KAZN: variants seen among roughly 807,000 people sequenced by gnomAD.
KAZN encodes the protein kazrin.
Under a neutral mutation model 87.4 loss-of-function variants are expected in KAZN, and 40 were observed. The ratio of observed to expected loss-of-function variants is 0.46; its 90% CI spans 0.36 to 0.60. The LOEUF (loss-of-function observed/expected upper bound fraction) is 0.60. KAZN is among the 20% of genes least tolerant of loss of function. KAZN has a pLI of 0.00. For synonymous variants in KAZN, 466 were observed against 458.3 expected (o/e 1.02, Z -0.22); for missense variants, 898 against 1,073.9 (o/e 0.84, Z 2.29).
intron 1 of KAZN, among the ~76,000 whole-genome samples, chr1:13,970,538 G>A (rs936678567): frequency 6.6e-6 from 1 of 152,202 alleles, no homozygotes; most frequent in Admixed American, 6.5e-5. Context: ...AATGAAAAAG[G>A]TGGGCTTGGA....
chr1:14,064,517 C>A (rs151167025), intron 1 of KAZN, among the ~76,000 whole-genome samples: 127 of 152,332 alleles, frequency 8.3e-4, no homozygotes, highest in African/African-American at 3.0e-3. Context: ...AGCTGAACCA[C>A]CAAAACATAG....
At chr1:14,577,389 T>G in intron 2 of KAZN, among the ~76,000 whole-genome samples, 1 of 152,198 alleles carries the variant, frequency 6.6e-6, no homozygotes, top group East Asian at 1.9e-4. Flanking sequence ...TTAATAAATC[T>G]GAGCATAAAG....
intron 1 of KAZN, among the ~76,000 whole-genome samples, chr1:14,772,601 A>G (rs1356641750): frequency 6.6e-6 from 1 of 151,944 alleles, no homozygotes; most frequent in Non-Finnish European, 1.5e-5. Context: ...TGACTGAGCA[A>G]TGACAGAGGA....
Position 14,059,801 on chromosome 1 carries a change from C to A in KAZN, c.92-120634C>A, listed in dbSNP as rs930575961. Among the ~76,000 whole-genome samples the A allele has an allele frequency of 2.6e-5, 4 of 152,358 alleles. No individual in the cohort carries two copies. The South Asian group carries it at 8.3e-4, about 32-fold the overall frequency. On this transcript the variant is annotated intron_variant, in intron 1 of 16. Transcript: ENST00000636203. ...GTGAAGCAGTATTTTAGGATTCCTTCAGGTCCAGGGTGCCTTAAGTGTTGT... is the reference window on the plus strand; with the variant it reads ...GTGAAGCAGTATTTTAGGATTCCTTAAGGTCCAGGGTGCCTTAAGTGTTGT...
intron 8 of KAZN, among the ~76,000 whole-genome samples, chr1:15,091,769 C>T (rs1206940158): frequency 6.6e-6 from 1 of 152,144 alleles, no homozygotes; most frequent in Non-Finnish European, 1.5e-5. Flanking sequence ...CATCAATAAC[C>T]ATTCATATTG....
intron 2 of KAZN, among the ~76,000 whole-genome samples, chr1:14,220,651 C>T (rs570040528): frequency 6.6e-6 from 1 of 152,294 alleles, no homozygotes; most frequent in African/African-American, 2.4e-5. Flanking sequence ...GTACCAGGCA[C>T]TTTATACTGC....
At chr1:15,110,549 TTG>T (rs71000365) in intron 13 of KAZN, among the ~76,000 whole-genome samples, 2 of 147,964 alleles carry the variant, frequency 1.4e-5, no homozygotes, top group South Asian at 2.1e-4. Flanking sequence ...GCATATGTGT[TTG>T]TGTGTGTGTG....
intron 1 of KAZN, among the ~76,000 whole-genome samples, chr1:14,667,317 G>A (rs1008080131): frequency 8.0e-4 from 122 of 152,136 alleles, no homozygotes; most frequent in African/African-American, 2.6e-3. Flanking sequence ...CCTTGAAGGC[G>A]CGGACCTCCA....
chr1:14,579,635 T>TAAAA (rs1187739247), intron 2 of KAZN, among the ~76,000 whole-genome samples: 1 of 124,584 alleles, frequency 8.0e-6, no homozygotes, highest in Non-Finnish European at 1.7e-5. Flanking sequence ...AAAAAAAAAT[T>TAAAA]AAAAAAAAAA....
chr1:15,017,391 T>C (rs1670227433), intron 2 of KAZN, among the ~76,000 whole-genome samples: 1 of 152,258 alleles, frequency 6.6e-6, no homozygotes. Flanking sequence ...TAAACCCTTC[T>C]ATTAATAAGG....
Position 15,117,535 on chromosome 1 carries a change from G to A in KAZN, c.*2900G>A, listed in dbSNP as rs550368893. On this transcript the variant is annotated 3_prime_UTR_variant, in exon 15 of 15. Transcript: ENST00000376030. The stretch of plus-strand genomic sequence containing the variant: ...AACAATCTGGACCCAATAAAGTGGA[G>A]AGAAGGGCGTCTCTACACAGCCCGG... 11 of 152,554 alleles carry A rather than the reference G, an allele frequency of 7.2e-5. No homozygotes were observed. Among genetic ancestry groups the A allele is most frequent in the African/African-American group, 2.6e-4 (11 of 41,562 alleles). 9.5% of individuals were successfully genotyped at this position (152,554 alleles called of 1,614,324 possible).
At chr1:14,894,553 C>T (rs953068637) in intron 1 of KAZN, among the ~76,000 whole-genome samples, 2 of 152,214 alleles carry the variant, frequency 1.3e-5, no homozygotes, top group Non-Finnish European at 2.9e-5. Flanking sequence ...TGTGGCACAT[C>T]TTTCCAGCTC....
At chr1:14,336,413 G>A in intron 2 of KAZN, among the ~76,000 whole-genome samples, 1 of 152,144 alleles carries the variant, frequency 6.6e-6, no homozygotes, top group East Asian at 1.9e-4. Context: ...TATAACGAAG[G>A]ATGATGTATG....
At chr1:14,241,841 TAAAA>T (rs1300512914) in intron 2 of KAZN, among the ~76,000 whole-genome samples, 1 of 152,178 alleles carries the variant, frequency 6.6e-6, no homozygotes, top group African/African-American at 2.4e-5. Flanking sequence ...ATCTGTCTCT[TAAAA>T]AAATTCCAAC....
In KAZN at chr1:14,403,318, A is replaced by C. The variant is rs544263621; in HGVS notation, c.250-195665A>C. On this transcript the variant is annotated intron_variant, in intron 2 of 16. Transcript: ENST00000636203. ...GATCAAAACCTAGATGCAAAAAGAA[A>C]ACTTTAAATCTATTAGAAGAAAATG... Among the ~76,000 whole-genome samples the C allele has an allele frequency of 3.3e-5, 5 of 152,328 alleles. No homozygotes were observed. The East Asian group carries it at 9.6e-4, about 29-fold the overall frequency.
intron 2 of KAZN, among the ~76,000 whole-genome samples, chr1:14,398,728 G>C (rs1277135867): frequency 6.6e-6 from 1 of 152,170 alleles, no homozygotes; most frequent in Non-Finnish European, 1.5e-5. Context: ...AGCATGTTAA[G>C]GGCATTATGC....
At chr1:14,084,826 A>G (rs1387917839) in intron 1 of KAZN, among the ~76,000 whole-genome samples, 2 of 152,216 alleles carry the variant, frequency 1.3e-5, no homozygotes, top group African/African-American at 4.8e-5. Context: ...ACACGTATAG[A>G]TATGTAACAA....
chr1:14,817,065 T>C (rs1646589024), intron 1 of KAZN, among the ~76,000 whole-genome samples: 1 of 152,208 alleles, frequency 6.6e-6, no homozygotes, highest in Non-Finnish European at 1.5e-5. Context: ...CCCTCCTGCC[T>C]CTCAATGGGT....
chr1:14,209,856 G>A (rs1342453231), intron 2 of KAZN, among the ~76,000 whole-genome samples: 1 of 152,164 alleles, frequency 6.6e-6, no homozygotes, highest in African/African-American at 2.4e-5. Context: ...ATACAGCCAG[G>A]CCTGTTATTG....
Sources: allele counts gnomAD v4.1 joint callset (sites outside exome capture counted in the v4.1 genomes callset), GRCh38; gene constraint gnomAD v4.1.1; transcripts MANE v1.5; gene names NCBI Gene and HGNC (gene_info 2026-07-23, HGNC 2026-07-21).